NTF3: variants seen among roughly 807,000 people sequenced by gnomAD.
NTF3 encodes neurotrophin-3.
NTF3 carries 8 observed loss-of-function variants against 26.3 expected under a neutral mutation model. The ratio of observed to expected loss-of-function variants is 0.30; its 90% CI spans 0.18 to 0.55. The LOEUF is 0.55. Ranked by LOEUF, NTF3 falls within the 20% of genes least tolerant of loss-of-function variation. NTF3 has a pLI of 0.93. For synonymous variants in NTF3, 154 were observed against 145.5 expected, an observed-to-expected ratio of 1.06 and a Z score of -0.42; for missense variants, 276 against 352.9, an observed-to-expected ratio of 0.78 and a Z score of 1.75.
intron 1 of NTF3, among the ~76,000 whole-genome samples, chr12:5,458,551 T>A (rs551193444): frequency 6.6e-6 from 1 of 152,258 alleles, no homozygotes; most frequent in South Asian, 2.1e-4. Context: ...AATGAATGAA[T>A]AAGTGAAAAC....
intron 1 of NTF3, among the ~76,000 whole-genome samples, chr12:5,453,661 A>G (rs991499804): frequency 2.0e-5 from 3 of 152,176 alleles, no homozygotes; most frequent in African/African-American, 7.2e-5. Context: ...TTCTTCTCGC[A>G]TTTGCCTAGT....
intron 1 of NTF3, among the ~76,000 whole-genome samples, chr12:5,445,097 C>T (rs1484931899): frequency 6.6e-6 from 1 of 152,188 alleles, no homozygotes; most frequent in Admixed American, 6.5e-5. Context: ...AAGAAGATGG[C>T]TTTTGAAATT....
At chr12:5,439,884 A>G (rs1272253612) in intron 1 of NTF3, among the ~76,000 whole-genome samples, 1 of 152,180 alleles carries the variant, frequency 6.6e-6, no homozygotes, top group Non-Finnish European at 1.5e-5. Context: ...CTGGGGCCAA[A>G]GTTAAGGTAG....
chr12:5,443,854 T>C (rs1940270500), intron 1 of NTF3, among the ~76,000 whole-genome samples: 1 of 151,218 alleles, frequency 6.6e-6, no homozygotes. Context: ...TGTGTGTGCA[T>C]GAGAGAGAGA....
chr12:5,454,829 C>A (rs189427409), intron 1 of NTF3, among the ~76,000 whole-genome samples: 34 of 152,328 alleles, frequency 2.2e-4, no homozygotes, highest in African/African-American at 7.9e-4. Flanking sequence ...AGGGCCTAGG[C>A]AGGCAGAGAG....
At chr12:5,462,395 C>A (rs1172453544) in intron 1 of NTF3, among the ~76,000 whole-genome samples, 2 of 152,182 alleles carry the variant, frequency 1.3e-5, no homozygotes, top group East Asian at 1.9e-4. Context: ...TTTAATAATT[C>A]TCTAACCTCA....
chr12:5,445,575 G>A (rs184765977), intron 1 of NTF3, among the ~76,000 whole-genome samples: 3 of 152,190 alleles, frequency 2.0e-5, no homozygotes, highest in Admixed American at 2.0e-4. Context: ...GCTCTCCCAT[G>A]TCCTGACTAT....
intron 1 of NTF3, among the ~76,000 whole-genome samples, chr12:5,489,459 G>C (rs1309554458): frequency 6.6e-6 from 1 of 152,182 alleles, no homozygotes; most frequent in African/African-American, 2.4e-5. Context: ...TGACTCTGTT[G>C]CTTGTTAGCT....
chr12:5,472,068 G>A (rs768020380), intron 1 of NTF3, among the ~76,000 whole-genome samples: 11 of 152,172 alleles, frequency 7.2e-5, no homozygotes, highest in Admixed American at 1.3e-4. Context: ...CTGGCAAGAA[G>A]TGTATTTGGC....
In NTF3 at chr12:5,432,229, A is replaced by G. The variant is rs1940100467; in HGVS notation, c.-96A>G. The G allele has an allele frequency of 4.6e-6, 6 of 1,315,438 alleles. No individual in the cohort carries two copies. The East Asian group carries it at 1.4e-4, about 30-fold the overall frequency. The allele number at this position is 1,315,438 out of a possible 1,614,324, so 81.5% of individuals were successfully genotyped here. A position where few individuals can be genotyped will look rare whatever the true frequency, so the allele number is the denominator to read the frequency against. On this transcript the variant is annotated 5_prime_UTR_variant, in exon 1 of 2. Coordinates refer to ENST00000423158, the MANE Select transcript of NTF3 (RefSeq NM_001102654.2). ...TCCTCTCCTTTTTCCCCTGCTGGGT[A>G]GTGGCTGCGGCGGGGTGGGGGAGAC...
At chr12:5,475,077 T>A (rs1414979249) in intron 1 of NTF3, among the ~76,000 whole-genome samples, 1 of 151,864 alleles carries the variant, frequency 6.6e-6, no homozygotes, top group East Asian at 1.9e-4. Context: ...AGGACGGAGG[T>A]CTGTGCCTGG....
chr12:5,444,171 G>A (rs1940274608), intron 1 of NTF3, among the ~76,000 whole-genome samples: 1 of 152,200 alleles, frequency 6.6e-6, no homozygotes, highest in South Asian at 2.1e-4. Flanking sequence ...CTCGACAGAG[G>A]CACAGTCAAG....
intron 1 of NTF3, among the ~76,000 whole-genome samples, chr12:5,481,518 GC>G (rs1940796927): frequency 8.4e-5 from 1 of 11,908 alleles, no homozygotes; most frequent in Non-Finnish European, 2.0e-4. Context: ...ACACACACAT[GC>G]ACACACACAG....
At chr12:5,450,973 G>A (rs745835448) in intron 1 of NTF3, among the ~76,000 whole-genome samples, 1 of 152,172 alleles carries the variant, frequency 6.6e-6, no homozygotes, top group Non-Finnish European at 1.5e-5. Flanking sequence ...TCTAGGAAGT[G>A]GTGGCACCAA....
chr12:5,493,727 C>A (rs888571899), intron 1 of NTF3, among the ~76,000 whole-genome samples: 1 of 152,098 alleles, frequency 6.6e-6, no homozygotes, highest in Non-Finnish European at 1.5e-5. Flanking sequence ...GTTCCAGGGG[C>A]TGCAGCTGGG....
upstream of NTF3, chr12:5,432,086 CCGCG>C: frequency 1.7e-6 from 1 of 571,538 alleles, no homozygotes; most frequent in Non-Finnish European, 3.2e-6. Flanking sequence ...CTGGTTATAA[CCGCG>C]CAGATTCTGT....
intron 1 of NTF3, among the ~76,000 whole-genome samples, chr12:5,491,874 G>T (rs1940942848): frequency 6.6e-6 from 1 of 151,690 alleles, no homozygotes; most frequent in Non-Finnish European, 1.5e-5. Flanking sequence ...CTGCCACCGT[G>T]CCCTGCTAAT....
chr12:5,433,688 G>A lies in NTF3; in HGVS notation c.18+1346G>A, dbSNP rs900246957. Among the ~76,000 whole-genome samples the A allele has an allele frequency of 2.0e-5, 3 of 152,108 alleles. No homozygotes were observed. The highest frequency in any genetic ancestry group is 2.1e-4 in the South Asian group (1 of 4,826). On this transcript the variant is annotated intron_variant, in intron 1 of 1. Coordinates refer to ENST00000423158, the MANE Select transcript of NTF3 (RefSeq NM_001102654.2). The surrounding 1 kb of genome is among the most constrained non-coding windows in gnomAD (Gnocchi z 4.6). ...GGCTGGGGTGGGATTGCCGGTGGGGGAAACACCGAAAAGATCGTCTGGCCT... is the reference window on the plus strand; with the variant it reads ...GGCTGGGGTGGGATTGCCGGTGGGGAAAACACCGAAAAGATCGTCTGGCCT...
chr12:5,439,933 A>G (rs1427363452), intron 1 of NTF3, among the ~76,000 whole-genome samples: 1 of 152,194 alleles, frequency 6.6e-6, no homozygotes, highest in African/African-American at 2.4e-5. Flanking sequence ...GGTCACTGCT[A>G]AAGACTGAGG....
Sources: gnomAD v4.1 joint callset for allele counts (sites outside exome capture counted in the v4.1 genomes callset) on GRCh38, gnomAD v4.1.1 for gene constraint, Gnocchi (gnomAD v3.1) non-coding constraint, MANE v1.5 for transcripts, NCBI Gene and HGNC (gene_info 2026-07-23, HGNC 2026-07-21) for gene names.